The following MLLT10 variants were observed in gnomAD, a reference collection of about 807,000 sequenced individuals.
MLLT10 encodes protein AF-10.
In MLLT10, 30 loss-of-function variants were observed where a neutral mutation model predicts 129.1. The observed-to-expected ratio is 0.23, with a 90% CI of 0.17 to 0.32. The LOEUF is 0.32. MLLT10 is among the 10% of genes least tolerant of loss of function. The pLI, the probability that MLLT10 is intolerant of heterozygous loss-of-function variation, is 1.00. For missense variants in MLLT10, 1,119 were observed against 1,268.3 expected (o/e 0.88, Z 1.79); for synonymous variants, 490 against 446.4 (o/e 1.10, Z -1.23).
At chr10:21,676,524 C>T (rs1354285041) in intron 11 of MLLT10, among the ~76,000 whole-genome samples, 2 of 151,386 alleles carry the variant, frequency 1.3e-5, no homozygotes, top group African/African-American at 2.4e-5. Flanking sequence ...AGATCTAGAC[C>T]GTCCTGGCCA....
At chr10:21,735,685 G>A (rs943873894) in intron 21 of MLLT10, among the ~76,000 whole-genome samples, 1 of 152,190 alleles carries the variant, frequency 6.6e-6, no homozygotes, top group Non-Finnish European at 1.5e-5. Context: ...AGTTCAGGGA[G>A]TGTGCCTTTG....
At position 21,698,159 on chromosome 10, in the gene MLLT10, C is replaced by CT. The variant is rs1394364076; in HGVS notation, c.1700-15611dup. ...GCCTTCTGTCGAACATTAAAACTTA[C>CT]TTATTCTATCTAACTGTATGTTTGT... On this transcript the variant is annotated intron_variant, in intron 13 of 22. Coordinates refer to ENST00000307729, the MANE Select transcript of MLLT10 (RefSeq NM_001195626.3). Among the ~76,000 whole-genome samples, 5 of 152,300 alleles carry CT rather than the reference C, an allele frequency of 3.3e-5. No homozygotes were observed. In the East Asian group the frequency reaches 9.6e-4, roughly 29 times the overall value.
intron 3 of MLLT10, among the ~76,000 whole-genome samples, chr10:21,580,185 A>T (rs1215528159): frequency 6.6e-6 from 1 of 151,550 alleles, no homozygotes; most frequent in African/African-American, 2.4e-5. Flanking sequence ...CGCTCGGCTT[A>T]TAGTTTCTTT....
chr10:21,621,614 C>T (rs1303820493), intron 8 of MLLT10, among the ~76,000 whole-genome samples: 1 of 150,768 alleles, frequency 6.6e-6, no homozygotes, highest in Non-Finnish European at 1.5e-5. Flanking sequence ...CCGCCCCCCC[C>T]ACCCCGCCCC....
At chr10:21,599,234 C>T (rs1001608335) in intron 5 of MLLT10, among the ~76,000 whole-genome samples, 11 of 150,820 alleles carry the variant, frequency 7.3e-5, no homozygotes, top group African/African-American at 1.2e-4. Flanking sequence ...CCCAGCTACT[C>T]GGGAGGCTGA....
intron 3 of MLLT10, among the ~76,000 whole-genome samples, chr10:21,582,551 G>T (rs578252033): frequency 4.1e-4 from 63 of 152,272 alleles, no homozygotes; most frequent in African/African-American, 1.5e-3. Flanking sequence ...ACATCCACTG[G>T]GGTTCTTAGA....
chr10:21,718,217 G>T (rs1204951783), intron 14 of MLLT10, among the ~76,000 whole-genome samples: 1 of 151,748 alleles, frequency 6.6e-6, no homozygotes, highest in Non-Finnish European at 1.5e-5. Flanking sequence ...TAGAGTAATG[G>T]CTCTTTCACA....
Position 21,730,965 on chromosome 10 carries a change from C to T in MLLT10, c.2129C>T (p.Pro710Leu), listed in dbSNP as rs2057921526. The T allele has an allele frequency of 1.2e-6, 2 of 1,614,020 alleles. No homozygotes were observed. Among genetic ancestry groups the T allele is most frequent in the Non-Finnish European group, 1.7e-6 (2 of 1,180,032 alleles). ...QPGNSSLENLPPVAASIEQLL... is the reference protein window; with the variant it reads ...QPGNSSLENLLPVAASIEQLL... ...GGCAACAGCAGTTTGGAAAATCTGC[C>T]TCCAGTAGCAGCCAGCATAGAACAG... Residue 710 changes from proline to leucine, a missense_variant, in exon 17 of 23, where the codon CCT becomes CTT. Pro to Leu is a moderately conservative substitution (Grantham distance 98). This residue lies in a region of MLLT10 where 1,004 missense variants were observed against 1,008.7 expected (regional missense o/e 1.00). Transcript: ENST00000307729.
intron 14 of MLLT10, among the ~76,000 whole-genome samples, chr10:21,722,086 A>AAT (rs1195060853): frequency 3.3e-5 from 5 of 152,072 alleles, no homozygotes; most frequent in African/African-American, 1.2e-4. Flanking sequence ...GAATCTTTCA[A>AAT]ATATATATAT....
intron 13 of MLLT10, among the ~76,000 whole-genome samples, chr10:21,711,582 CAAAAA>C (rs529993002): frequency 3.8e-5 from 2 of 52,106 alleles, no homozygotes; most frequent in Admixed American, 2.2e-4. Context: ...ACAACCAACG[CAAAAA>C]AAAAAAAAAA....
chr10:21,595,561 C>T, intron 5 of MLLT10, 121 bp downstream of exon 5: 1 of 651,760 alleles, frequency 1.5e-6, no homozygotes, highest in Non-Finnish European at 2.6e-6. Flanking sequence ...AAAAAAATTA[C>T]TACTCCAAAC....
At chr10:21,622,419 C>T (rs1336363253) in intron 8 of MLLT10, among the ~76,000 whole-genome samples, 2 of 151,760 alleles carry the variant, frequency 1.3e-5, no homozygotes, top group African/African-American at 2.4e-5. Context: ...TCTGCCTTGG[C>T]CTCCCAAAGT....
chr10:21,689,640 T>C (rs1419586989), intron 13 of MLLT10, among the ~76,000 whole-genome samples: 4 of 136,766 alleles, frequency 2.9e-5, no homozygotes, highest in Non-Finnish European at 6.2e-5. Context: ...CACACACACA[T>C]TTATATATAT....
intron 13 of MLLT10, among the ~76,000 whole-genome samples, chr10:21,703,383 G>T (rs1311040857): frequency 3.3e-5 from 5 of 151,880 alleles, no homozygotes; most frequent in Non-Finnish European, 7.4e-5. Context: ...TGATGGGGGG[G>T]TCTTTTATAG....
Position 21,733,822 on chromosome 10 carries a change from C to G in MLLT10, c.2551C>G (p.Pro851Ala). ...CAGCTCATCAGCTCTTTCTACCCCA[C>G]CTCCTGCTGGGCAGAGTCCGGCTCA... ...TSSSSALSTP[P>A]PAGQSPAQQG... Residue 851 changes from proline to alanine, a missense_variant, in exon 20 of 23, where the codon CCT (proline) becomes GCT (alanine). By Grantham distance (27) the Pro-to-Ala change is conservative. This residue lies in a region of MLLT10 where 1,004 missense variants were observed against 1,008.7 expected (regional missense o/e 1.00). Transcript: ENST00000307729. The G allele has an allele frequency of 1.2e-6, 2 of 1,614,138 alleles. No homozygotes were observed. The highest frequency in any genetic ancestry group is 8.5e-7 in the Non-Finnish European group (1 of 1,180,026).
intron 5 of MLLT10, among the ~76,000 whole-genome samples, chr10:21,604,021 A>T (rs572262882): frequency 6.6e-6 from 1 of 152,194 alleles, no homozygotes; most frequent in South Asian, 2.1e-4. Flanking sequence ...TTACTGTGTA[A>T]GATACTGGGT....
rs551314609 is a variant in MLLT10 at position 21,701,930 on chromosome 10, C to T, written c.1700-11842C>T. 1.9e-4 allele frequency among the ~76,000 whole-genome samples: 28 copies of T among 151,122 alleles called. No homozygotes were observed. In the South Asian group the frequency reaches 3.2e-3, roughly 17 times the overall value. On this transcript the variant is annotated intron_variant, in intron 13 of 22. Coordinates refer to ENST00000307729, the MANE Select transcript of MLLT10 (RefSeq NM_001195626.3). Reference sequence around the variant, plus strand: ...CTTCTCTTCTCGTCTCGTCTCGTCTCGTCTCTCTTTTTTTTGAGACAGATA... The same window carrying T: ...CTTCTCTTCTCGTCTCGTCTCGTCTTGTCTCTCTTTTTTTTGAGACAGATA...
intron 16 of MLLT10, among the ~76,000 whole-genome samples, chr10:21,730,023 A>C (rs2057827370): frequency 1.3e-5 from 2 of 152,036 alleles, no homozygotes; most frequent in African/African-American, 4.8e-5. Context: ...CAGCAGTTAG[A>C]TAGAGAGGCC....
chr10:21,680,361 A>G (rs957725123), intron 11 of MLLT10, among the ~76,000 whole-genome samples: 2 of 151,772 alleles, frequency 1.3e-5, no homozygotes, highest in Non-Finnish European at 2.9e-5. Context: ...ACGTGCCACC[A>G]TGCCCGGCTA....
Sources: gnomAD v4.1 joint callset for allele counts (sites outside exome capture counted in the v4.1 genomes callset) on GRCh38, gnomAD v4.1.1 for gene constraint, gnomAD v4.1.1 regional missense constraint, MANE v1.5 for transcripts, NCBI Gene and HGNC (gene_info 2026-07-23, HGNC 2026-07-21) for gene names.